RNF217: variants seen among roughly 807,000 people sequenced by gnomAD.
RNF217 encodes ring finger protein 217, also known as E3 ubiquitin-protein ligase RNF217.
A neutral mutation model predicts 57.8 loss-of-function variants in RNF217; 31 were observed. The observed-to-expected ratio is 0.54, with a 90% CI of 0.40 to 0.72. The LOEUF is 0.72. RNF217 is among the 30% of genes least tolerant of loss of function. The pLI, the probability that RNF217 is intolerant of heterozygous loss-of-function variation, is 0.00. For synonymous variants in RNF217, 313 were observed against 294.0 expected (o/e 1.06, Z -0.66); for missense variants, 696 against 708.3 (o/e 0.98, Z 0.20).
intron 1 of RNF217, among the ~76,000 whole-genome samples, chr6:124,999,396 G>A (rs1254682353): frequency 6.6e-6 from 1 of 151,626 alleles, no homozygotes; most frequent in African/African-American, 2.4e-5. Context: ...TCCTGTAAGT[G>A]TATCTCTTCT....
intron 1 of RNF217, among the ~76,000 whole-genome samples, chr6:124,983,005 T>C (rs538558311): frequency 6.6e-6 from 1 of 152,228 alleles, no homozygotes; most frequent in East Asian, 1.9e-4. Context: ...CACATATAGG[T>C]GTCACAGTAA....
At chr6:124,978,143 G>A (rs570143815) in intron 1 of RNF217, among the ~76,000 whole-genome samples, 4 of 152,216 alleles carry the variant, frequency 2.6e-5, no homozygotes, top group African/African-American at 9.6e-5. Flanking sequence ...AAACTTTAGA[G>A]CTTTAGTAGG....
At chr6:125,037,424 C>A (rs1000785064) in intron 1 of RNF217, among the ~76,000 whole-genome samples, 1 of 152,236 alleles carries the variant, frequency 6.6e-6, no homozygotes, top group African/African-American at 2.4e-5. Context: ...TGGTATTGAT[C>A]ACTTTTACTT....
intron 3 of RNF217, among the ~76,000 whole-genome samples, chr6:125,059,727 G>A (rs1171686397): frequency 6.6e-6 from 1 of 152,128 alleles, no homozygotes; most frequent in Non-Finnish European, 1.5e-5. Context: ...GCCGACCATG[G>A]GGAATTTACT....
chr6:124,962,955 C>T lies in RNF217; in HGVS notation c.411C>T (p.Thr137=), dbSNP rs886627006. The stretch of plus-strand genomic sequence containing the variant: ...CCGGCGAAGAGCTGGAGCCCAGGAC[C>T]CGCGTGGGGGCCGCCGACGGACTGG... ...APPGEELEPR[T]RVGAADGLVL... The change falls in exon 1 of 6, where the codon ACC becomes ACT. Residue 137 remains threonine, a synonymous_variant. Transcript: ENST00000521654. This position sits in a 1 kb window ranked among gnomAD's most constrained non-coding sequence, Gnocchi z 4.6. 1.9e-6 allele frequency: 3 copies of T among 1,597,504 alleles called. No individual in the cohort carries two copies. Among genetic ancestry groups the T allele is most frequent in the Non-Finnish European group, 2.5e-6 (3 of 1,179,490 alleles).
intron 1 of RNF217, among the ~76,000 whole-genome samples, chr6:125,043,390 T>TC (rs1562482905): frequency 6.6e-6 from 1 of 151,724 alleles, no homozygotes; most frequent in Non-Finnish European, 1.5e-5. Context: ...CCTCTTCTGA[T>TC]CCCCCCAGGT....
intron 1 of RNF217, among the ~76,000 whole-genome samples, chr6:125,039,446 A>G (rs1274424348): frequency 6.6e-6 from 1 of 152,174 alleles, no homozygotes; most frequent in Non-Finnish European, 1.5e-5. Context: ...CCAGATTCAT[A>G]AAACGAGTTC....
At chr6:124,997,187 A>G (rs1784787241) in intron 1 of RNF217, among the ~76,000 whole-genome samples, 1 of 152,146 alleles carries the variant, frequency 6.6e-6, no homozygotes, top group Non-Finnish European at 1.5e-5. Flanking sequence ...CTCTGTTTAA[A>G]ATGTTCTGTG....
chr6:124,968,241 T>A (rs983022351), intron 1 of RNF217, among the ~76,000 whole-genome samples: 3 of 152,136 alleles, frequency 2.0e-5, no homozygotes, highest in Non-Finnish European at 4.4e-5. Context: ...TGAAGAATAA[T>A]ATGAGACTGA....
chr6:124,969,548 C>CA, intron 1 of RNF217, among the ~76,000 whole-genome samples: 1 of 152,254 alleles, frequency 6.6e-6, no homozygotes, highest in South Asian at 2.1e-4. Context: ...CTTGAATTTG[C>CA]AAGTTTTTAC....
intron 3 of RNF217, among the ~76,000 whole-genome samples, chr6:125,060,531 G>A (rs969222773): frequency 7.2e-5 from 11 of 151,880 alleles, no homozygotes; most frequent in African/African-American, 1.5e-4. Flanking sequence ...TGCAACCTTC[G>A]CCTCCCAGGC....
chr6:125,035,604 T>G (rs1273951525), intron 1 of RNF217, among the ~76,000 whole-genome samples: 1 of 152,216 alleles, frequency 6.6e-6, no homozygotes, highest in Non-Finnish European at 1.5e-5. Context: ...TCTCACACTT[T>G]TGTTTGCATT....
At chr6:125,078,302 G>C (rs573550594) in intron 4 of RNF217, among the ~76,000 whole-genome samples, 1 of 152,298 alleles carries the variant, frequency 6.6e-6, no homozygotes, top group South Asian at 2.1e-4. Flanking sequence ...TGTATATGGA[G>C]AGAGCAACAT....
At chr6:125,035,867 A>G (rs1387768637) in intron 1 of RNF217, among the ~76,000 whole-genome samples, 3 of 148,820 alleles carry the variant, frequency 2.0e-5, no homozygotes. Context: ...GTTTGTTTGC[A>G]GCTCCTCATC....
intron 1 of RNF217, among the ~76,000 whole-genome samples, chr6:125,018,436 A>T (rs2114397867): frequency 6.6e-6 from 1 of 152,286 alleles, no homozygotes; most frequent in East Asian, 1.9e-4. Flanking sequence ...TGAGCACAAG[A>T]TTTTTGATGA....
At chr6:124,984,130 A>G (rs910592409) in intron 1 of RNF217, among the ~76,000 whole-genome samples, 9 of 152,228 alleles carry the variant, frequency 5.9e-5, no homozygotes, top group Admixed American at 5.2e-4. Flanking sequence ...CACCACAGCA[A>G]TAAGTTAAAT....
intron 1 of RNF217, among the ~76,000 whole-genome samples, chr6:124,995,846 CAG>C (rs1203825709): frequency 6.6e-6 from 1 of 152,070 alleles, no homozygotes; most frequent in Non-Finnish European, 1.5e-5. Context: ...CATGTGAACC[CAG>C]GAGGTGGAGG....
intron 1 of RNF217, among the ~76,000 whole-genome samples, chr6:125,017,763 G>A (rs1785667670): frequency 6.6e-6 from 1 of 151,754 alleles, no homozygotes; most frequent in Non-Finnish European, 1.5e-5. Flanking sequence ...TTTTTATTGT[G>A]GGCACTAGTC....
chr6:125,068,217 A>T (rs1482363439), intron 3 of RNF217, among the ~76,000 whole-genome samples: 1 of 152,156 alleles, frequency 6.6e-6, no homozygotes, highest in Non-Finnish European at 1.5e-5. Context: ...AGGGATACAG[A>T]TAATTAAAGA....
Sources: gnomAD v4.1 joint callset for allele counts (sites outside exome capture counted in the v4.1 genomes callset) on GRCh38, gnomAD v4.1.1 for gene constraint, Gnocchi (gnomAD v3.1) non-coding constraint, MANE v1.5 for transcripts, NCBI Gene and HGNC (gene_info 2026-07-23, HGNC 2026-07-21) for gene names.